The following MAGI2 variants were observed in gnomAD, a reference collection of about 807,000 sequenced individuals.
The protein encoded by MAGI2 is membrane-associated guanylate kinase, WW and PDZ domain-containing protein 2.
A neutral mutation model predicts 133.3 loss-of-function variants in MAGI2; 35 were observed. That is an observed-to-expected ratio of 0.26 (90% confidence interval 0.20 to 0.35). MAGI2 has a LOEUF of 0.35. MAGI2 is among the 10% of genes least tolerant of loss of function. The pLI is 1.00. For synonymous variants in MAGI2, 729 were observed against 710.6 expected (o/e 1.03, Z -0.41); for missense variants, 1,636 against 1,863.4 (o/e 0.88, Z 2.25).
intron 2 of MAGI2, among the ~76,000 whole-genome samples, chr7:78,718,145 C>G (rs973879007): frequency 4.6e-5 from 7 of 152,176 alleles, no homozygotes; most frequent in Non-Finnish European, 1.0e-4. Context: ...AGGCTTGATG[C>G]CTAAGTAGGA....
intron 3 of MAGI2, among the ~76,000 whole-genome samples, chr7:78,566,571 A>G (rs1017888465): frequency 2.6e-5 from 4 of 151,930 alleles, no homozygotes; most frequent in African/African-American, 9.7e-5. Context: ...CCAAGGTTCA[A>G]ATGGATTTGT....
At chr7:78,782,627 G>A (rs1274591464) in intron 2 of MAGI2, among the ~76,000 whole-genome samples, 4 of 152,012 alleles carry the variant, frequency 2.6e-5, no homozygotes, top group Non-Finnish European at 5.9e-5. Context: ...GTTGAGAAGT[G>A]AGAAAAGATT....
Position 78,124,365 on chromosome 7 carries a change from T to C in MAGI2, c.3567+1329A>G, listed in dbSNP as rs183765487. Among the ~76,000 whole-genome samples the C allele has an allele frequency of 5.3e-5, 8 of 152,324 alleles. No homozygotes were observed. The East Asian group carries it at 1.5e-3, about 29-fold the overall frequency. On this transcript the variant is annotated intron_variant, in intron 20 of 21. Coordinates refer to ENST00000354212, the MANE Select transcript of MAGI2 (RefSeq NM_012301.4). The stretch of plus-strand genomic sequence containing the variant: ...CGGGGAGGGCTGCCAGTCTCTGGTG[T>C]CAGCCCTGCCTGGGTTTAAATTCCA...
intron 20 of MAGI2, among the ~76,000 whole-genome samples, chr7:78,098,599 C>T (rs1210460652): frequency 2.6e-5 from 4 of 152,010 alleles, no homozygotes; most frequent in South Asian, 2.1e-4. Flanking sequence ...TTAGCAAAAA[C>T]GAGATCTATA....
chr7:78,034,342 C>T lies in MAGI2; in HGVS notation c.3707-14366G>A, dbSNP rs1809935962. The stretch of plus-strand genomic sequence containing the variant: ...ACTCTCATTTAGGGGTTCAGGGAGG[C>T]CTCCCTGAGGAAATGGTCATTAGGT... On this transcript the variant is annotated intron_variant, in intron 21 of 21. Transcript: ENST00000354212. Among the ~76,000 whole-genome samples the T allele has an allele frequency of 2.6e-5, 4 of 152,012 alleles. No homozygotes were observed. The South Asian group carries it at 8.3e-4, about 32-fold the overall frequency.
At chr7:78,532,916 T>G (rs1311928012) in intron 3 of MAGI2, among the ~76,000 whole-genome samples, 2 of 152,158 alleles carry the variant, frequency 1.3e-5, no homozygotes, top group Admixed American at 6.5e-5. Flanking sequence ...GAACTCATTT[T>G]ATATTTAAAA....
intron 1 of MAGI2, among the ~76,000 whole-genome samples, chr7:79,447,735 C>A (rs1194870121): frequency 6.6e-6 from 1 of 151,546 alleles, no homozygotes; most frequent in Non-Finnish European, 1.5e-5. Context: ...CCATAAAATA[C>A]TATAAAATAG....
At chr7:79,330,164 A>T (rs1839960052) in intron 1 of MAGI2, among the ~76,000 whole-genome samples, 1 of 146,914 alleles carries the variant, frequency 6.8e-6, no homozygotes, top group Non-Finnish European at 1.5e-5. Context: ...GCACATCAGT[A>T]ACAAACAATC....
At chr7:79,020,609 A>G (rs767403558) in intron 1 of MAGI2, among the ~76,000 whole-genome samples, 3 of 152,056 alleles carry the variant, frequency 2.0e-5, no homozygotes, top group Non-Finnish European at 4.4e-5. Context: ...TTCTAAAAAT[A>G]CAAAAAATTA....
At chr7:78,145,085 T>C (rs1193212278) in intron 16 of MAGI2, among the ~76,000 whole-genome samples, 2 of 152,204 alleles carry the variant, frequency 1.3e-5, no homozygotes, top group African/African-American at 4.8e-5. Flanking sequence ...TTTTCAATTC[T>C]TAGTGTTTGA....
intron 3 of MAGI2, among the ~76,000 whole-genome samples, chr7:78,584,641 G>A (rs1176110445): frequency 6.6e-6 from 1 of 152,126 alleles, no homozygotes; most frequent in Non-Finnish European, 1.5e-5. Context: ...TTCAGGGGCA[G>A]TAGCAGGCTT....
chr7:78,245,844 C>T (rs1481862862), intron 10 of MAGI2, among the ~76,000 whole-genome samples: 1 of 152,132 alleles, frequency 6.6e-6, no homozygotes, highest in Non-Finnish European at 1.5e-5. Flanking sequence ...GACACGGTGC[C>T]TTGCCCCCTG....
At chr7:78,405,757 A>T (rs1562952368) in intron 6 of MAGI2, among the ~76,000 whole-genome samples, 3 of 152,080 alleles carry the variant, frequency 2.0e-5, no homozygotes, top group Non-Finnish European at 4.4e-5. Context: ...CATTTAAAAA[A>T]TTCTTAATTG....
intron 1 of MAGI2, among the ~76,000 whole-genome samples, chr7:79,049,366 A>C (rs1267786302): frequency 6.6e-6 from 1 of 152,200 alleles, no homozygotes; most frequent in East Asian, 1.9e-4. Flanking sequence ...CAAATGTGAT[A>C]ATATAAGTAT....
chr7:78,802,807 G>A lies in MAGI2; in HGVS notation c.419-175568C>T, dbSNP rs116148321. 4.7e-3 allele frequency among the ~76,000 whole-genome samples: 708 copies of A among 151,906 alleles called. 7 individuals are homozygous for A. The highest frequency in any genetic ancestry group is 0.016 in the African/African-American group (669 of 41,440). On this transcript the variant is annotated intron_variant, in intron 2 of 21. Transcript: ENST00000354212. Reference sequence around the variant, plus strand: ...TCATCAATTGTAACAAATGTGTTGTGGGATGTTGATAGTGAGGAAGGCTAT... The same window carrying A: ...TCATCAATTGTAACAAATGTGTTGTAGGATGTTGATAGTGAGGAAGGCTAT...
intron 1 of MAGI2, among the ~76,000 whole-genome samples, chr7:79,148,324 T>A (rs1197898029): frequency 6.6e-6 from 1 of 152,126 alleles, no homozygotes; most frequent in Non-Finnish European, 1.5e-5. Flanking sequence ...TGTCATTGAA[T>A]CTGTGTCTTG....
In MAGI2 at chr7:78,097,664, G is replaced by A. The variant is rs1817832111; in HGVS notation, c.3568-18579C>T. ...ACAACAGACACTGGTGTCTACTTGA[G>A]GGTGGAGGGTGGGAGGAGGGAGAGG... On this transcript the variant is annotated intron_variant, in intron 20 of 21. Coordinates refer to ENST00000354212, the MANE Select transcript of MAGI2 (RefSeq NM_012301.4). Among the ~76,000 whole-genome samples the A allele has an allele frequency of 1.3e-5, 2 of 152,082 alleles. 1 individual carries two copies. Among genetic ancestry groups the A allele is most frequent in the South Asian group, 4.1e-4 (2 of 4,828 alleles).
chr7:79,046,423 T>C (rs1247694637), intron 1 of MAGI2, among the ~76,000 whole-genome samples: 1 of 152,172 alleles, frequency 6.6e-6, no homozygotes, highest in East Asian at 1.9e-4. Flanking sequence ...ATCTCAGACA[T>C]CTGGACTCCA....
At chr7:79,359,070 G>A (rs1842204797) in intron 1 of MAGI2, among the ~76,000 whole-genome samples, 1 of 151,946 alleles carries the variant, frequency 6.6e-6, no homozygotes, top group Non-Finnish European at 1.5e-5. Flanking sequence ...GGATTTTAAA[G>A]CAACAAAATA....
Sources: allele counts gnomAD v4.1 joint callset (sites outside exome capture counted in the v4.1 genomes callset), GRCh38; gene constraint gnomAD v4.1.1; transcripts MANE v1.5; gene names NCBI Gene and HGNC (gene_info 2026-07-23, HGNC 2026-07-21).